Variants in DIP2C observed in about 807,000 individuals in gnomAD.
DIP2C encodes DIP2 acetate--CoA ligase C (putative), also known as disco-interacting protein 2 homolog C.
DIP2C carries 33 observed loss-of-function variants against 192.4 expected under a neutral mutation model. The observed-to-expected ratio is 0.17, with a 90% CI of 0.13 to 0.23. The LOEUF (loss-of-function observed/expected upper bound fraction) is 0.23, where lower values mean the gene tolerates loss of function less well. Among genes scored for constraint, DIP2C ranks in the 10% least tolerant of loss-of-function variants. DIP2C has a pLI of 1.00. For missense variants in DIP2C, 1,537 were observed against 2,110.1 expected (o/e 0.73, Z 5.32); for synonymous variants, 979 against 864.1 (o/e 1.13, Z -2.33).
chr10:440,596 G>A lies in DIP2C; in HGVS notation c.394+275C>T, dbSNP rs191527087. Among the ~76,000 whole-genome samples the A allele has an allele frequency of 1.8e-3, 271 of 152,224 alleles. 1 individual carries two copies. The highest frequency in any genetic ancestry group is 5.9e-3 in the African/African-American group (247 of 41,526). On this transcript the variant is annotated intron_variant, in intron 4 of 36. Coordinates refer to ENST00000280886, the MANE Select transcript of DIP2C (RefSeq NM_014974.3). ...CAAACTCTTCCCTTTCCCCTACAAAGAATTAAATGAATAAAATTGTTTGAG... is the reference window on the plus strand; with the variant it reads ...CAAACTCTTCCCTTTCCCCTACAAAAAATTAAATGAATAAAATTGTTTGAG...
intron 1 of DIP2C, among the ~76,000 whole-genome samples, chr10:577,812 T>G (rs977884501): frequency 6.9e-6 from 1 of 144,686 alleles, no homozygotes; most frequent in South Asian, 2.1e-4. Context: ...TTGTTTCTTT[T>G]GTTTTTTTGT....
At chr10:671,085 G>A (rs529280669) in intron 1 of DIP2C, among the ~76,000 whole-genome samples, 1 of 152,230 alleles carries the variant, frequency 6.6e-6, no homozygotes, top group Non-Finnish European at 1.5e-5. Flanking sequence ...CCCTCAGACC[G>A]AGGGCTCCGC....
chr10:277,185 C>T lies in DIP2C; in HGVS notation c.*140G>A. 2.3e-6 allele frequency: 3 copies of T among 1,321,072 alleles called. No homozygotes were observed. The highest frequency in any genetic ancestry group is 2.4e-5 in the East Asian group (1 of 42,212). 81.8% of individuals were successfully genotyped at this position (1,321,072 alleles called of 1,614,324 possible). On this transcript the variant is annotated 3_prime_UTR_variant, in exon 37 of 37. Coordinates refer to ENST00000280886, the MANE Select transcript of DIP2C (RefSeq NM_014974.3). ...AATCGTGGCTGCTGTGAGAAGTCCT[C>T]TTCCTCCTCCTCTTCCTCCTCCACT...
chr10:664,687 T>G (rs1315622192), intron 1 of DIP2C: 1 of 152,210 alleles, frequency 6.6e-6, no homozygotes, highest in African/African-American at 2.4e-5. Context: ...TTTTATACTG[T>G]TACTTTTTAC....
At chr10:576,318 A>G (rs1202577429) in intron 1 of DIP2C, among the ~76,000 whole-genome samples, 1 of 152,214 alleles carries the variant, frequency 6.6e-6, no homozygotes, top group Non-Finnish European at 1.5e-5. Flanking sequence ...TCGAGCACTC[A>G]CTGACTCTTG....
intron 1 of DIP2C, among the ~76,000 whole-genome samples, chr10:594,617 G>A (rs921129642): frequency 4.6e-5 from 7 of 152,024 alleles, no homozygotes; most frequent in Admixed American, 1.3e-4. Context: ...CCATTTCAAC[G>A]TAAGGGAACT....
chr10:598,549 C>T (rs534147376), intron 1 of DIP2C, among the ~76,000 whole-genome samples: 7 of 152,052 alleles, frequency 4.6e-5, no homozygotes, highest in African/African-American at 1.4e-4. Context: ...GCTCCTCCCC[C>T]CACAGCTCCT....
At chr10:303,660 A>AT (rs544109489) in intron 32 of DIP2C, among the ~76,000 whole-genome samples, 27 of 151,954 alleles carry the variant, frequency 1.8e-4, no homozygotes, top group African/African-American at 6.5e-4. Flanking sequence ...AGTAGCTGGG[A>AT]TTACAGGCAT....
At chr10:471,696 C>A (rs959701472) in intron 3 of DIP2C, among the ~76,000 whole-genome samples, 5 of 152,072 alleles carry the variant, frequency 3.3e-5, no homozygotes, top group African/African-American at 9.7e-5. Context: ...GCAACTTTAA[C>A]CTACATGTTG....
intron 1 of DIP2C, among the ~76,000 whole-genome samples, chr10:686,686 C>T (rs1370079723): frequency 1.3e-5 from 2 of 152,380 alleles, no homozygotes; most frequent in African/African-American, 4.8e-5. Context: ...GTGGTGTGAG[C>T]TGGCCTCACC....
intron 3 of DIP2C, among the ~76,000 whole-genome samples, chr10:449,753 C>T (rs973294338): frequency 1.4e-5 from 2 of 141,618 alleles, no homozygotes. Context: ...GCACAATGTG[C>T]ACATGTACCC....
At chr10:626,801 G>A (rs935227690) in intron 1 of DIP2C, among the ~76,000 whole-genome samples, 6 of 152,086 alleles carry the variant, frequency 3.9e-5, no homozygotes, top group Non-Finnish European at 7.3e-5. Flanking sequence ...CGGTCACGCC[G>A]ATCGTCAGGC....
intron 29 of DIP2C, among the ~76,000 whole-genome samples, chr10:335,970 C>A (rs1957749193): frequency 6.6e-6 from 1 of 152,186 alleles, no homozygotes; most frequent in Non-Finnish European, 1.5e-5. Context: ...GTGATCTCAG[C>A]TTACTGCAAC....
At chr10:526,734 C>A (rs73581612) in intron 1 of DIP2C, among the ~76,000 whole-genome samples, 6,237 of 152,252 alleles carry the variant, frequency 0.041, 167 homozygotes, top group East Asian at 0.076. Flanking sequence ...TTCCGGAAGG[C>A]ATTTGTGTCA....
In DIP2C at chr10:390,021, C is replaced by A; in HGVS notation, c.1567G>T (p.Ala523Ser). The change falls in exon 13 of 37, where the codon GCC (alanine) becomes TCC (serine). Residue 523 changes from alanine (A) to serine (S), a missense_variant. Ala to Ser is a moderately conservative substitution (Grantham distance 99). Transcript: ENST00000280886. ...GTGTAGCCACACGCCTGCGTCAGGG[C>A]CTGGCAGTGTGTCAGCAGCGCAGTC... The part of the protein sequence containing the change: ...TRTALLTHCQ[A>S]LTQACGYTEA... 6.2e-7 allele frequency: 1 copy of A among 1,614,044 alleles called. No individual in the cohort carries two copies. Among genetic ancestry groups the A allele is most frequent in the Non-Finnish European group, 8.5e-7 (1 of 1,179,950 alleles).
intron 31 of DIP2C, among the ~76,000 whole-genome samples, chr10:310,983 T>G (rs1052400260): frequency 7.9e-5 from 12 of 151,990 alleles, no homozygotes; most frequent in Non-Finnish European, 1.2e-4. Context: ...TTCCAATTTT[T>G]GTACTAAAGG....
At chr10:603,981 C>A (rs1314719858) in intron 1 of DIP2C, among the ~76,000 whole-genome samples, 1 of 150,374 alleles carries the variant, frequency 6.7e-6, no homozygotes. Flanking sequence ...CCAAGCCCCT[C>A]CGGCCCCAGC....
At position 390,067 on chromosome 10, in the gene DIP2C, C is replaced by T. The variant is rs1963336188; in HGVS notation, c.1521G>A (p.Val507=). 1 of 1,614,022 alleles carries T rather than the reference C, an allele frequency of 6.2e-7. No homozygotes were observed. Among genetic ancestry groups the T allele is most frequent in the African/African-American group, 1.3e-5 (1 of 74,926 alleles). ...IEYKTCKDGS[V]LGVTVTRTAL... ...CAGTCCTCGTCACCGTCACACCCAG[C>T]ACACTGCCATCCTTACACGTCTTGT... The change falls in exon 13 of 37, where the codon GTG becomes GTA. Residue 507 remains valine, a synonymous_variant. Transcript: ENST00000280886.
chr10:386,483 C>G (rs1962932474), intron 14 of DIP2C, among the ~76,000 whole-genome samples: 1 of 152,220 alleles, frequency 6.6e-6, no homozygotes, highest in South Asian at 2.1e-4. Context: ...TCCATCTTAT[C>G]CCAGGTCCTT....
Sources: gnomAD v4.1 joint callset for allele counts (sites outside exome capture counted in the v4.1 genomes callset) on GRCh38, gnomAD v4.1.1 for gene constraint, MANE v1.5 for transcripts, NCBI Gene and HGNC (gene_info 2026-07-23, HGNC 2026-07-21) for gene names.